OR51B5: variants seen among roughly 807,000 people sequenced by gnomAD.
OR51B5 encodes olfactory receptor family 51 subfamily B member 5.
For missense variants in OR51B5, 456 were observed against 374.6 expected, an observed-to-expected ratio of 1.22 and a Z score of -1.79; for synonymous variants, 186 against 144.8, an observed-to-expected ratio of 1.28 and a Z score of -2.04.
intron 1 of OR51B5, among the ~76,000 whole-genome samples, chr11:5,384,635 C>G (rs1351018027): frequency 6.6e-6 from 1 of 152,184 alleles, no homozygotes; most frequent in African/African-American, 2.4e-5. Flanking sequence ...CTCTTTCCTG[C>G]CGAGCCATCT....
chr11:5,356,013 C>A (rs1242251520), intron 1 of OR51B5, among the ~76,000 whole-genome samples: 1 of 129,644 alleles, frequency 7.7e-6, no homozygotes, highest in Non-Finnish European at 1.8e-5. Flanking sequence ...TAGATAAAAC[C>A]ACAAAGATGG....
chr11:5,497,597 A>G (rs555285792), intron 1 of OR51B5, among the ~76,000 whole-genome samples: 1 of 152,300 alleles, frequency 6.6e-6, no homozygotes, highest in Non-Finnish European at 1.5e-5. Flanking sequence ...TAAAAATAAA[A>G]AACAAGTTGA....
At chr11:5,472,620 G>A (rs1386685641) in intron 1 of OR51B5, among the ~76,000 whole-genome samples, 1 of 152,222 alleles carries the variant, frequency 6.6e-6, no homozygotes, top group South Asian at 2.1e-4. Flanking sequence ...ACTCCTCTGT[G>A]CTCTGCCATT....
At chr11:5,402,821 T>C (rs1469215557) in intron 1 of OR51B5, 3 of 471,680 alleles carry the variant, frequency 6.4e-6, no homozygotes, top group East Asian at 6.9e-5. Flanking sequence ...CCGAGGTTCG[T>C]GTCTCTGCAT....
At chr11:5,370,955 C>T (rs1171211943) in intron 1 of OR51B5, among the ~76,000 whole-genome samples, 2 of 152,116 alleles carry the variant, frequency 1.3e-5, no homozygotes, top group Non-Finnish European at 2.9e-5. Context: ...GTTCAATGAG[C>T]AGACAGAAGG....
At chr11:5,487,155 G>A (rs1467217150) in intron 1 of OR51B5, among the ~76,000 whole-genome samples, 2 of 152,150 alleles carry the variant, frequency 1.3e-5, no homozygotes, top group African/African-American at 4.8e-5. Context: ...AATGCCTCGT[G>A]ATCTAAATTA....
downstream of OR51B5, among the ~76,000 whole-genome samples, chr11:5,342,317 C>A (rs74489455): frequency 6.7e-3 from 1,026 of 152,118 alleles, 7 homozygotes; most frequent in African/African-American, 0.024. Flanking sequence ...ATAGACATAC[C>A]AATAGATGCC....
chr11:5,374,602 G>A (rs1158993797), intron 1 of OR51B5, among the ~76,000 whole-genome samples: 1 of 152,140 alleles, frequency 6.6e-6, no homozygotes, highest in Non-Finnish European at 1.5e-5. Context: ...TTAGATGAAT[G>A]TATAACTAGA....
chr11:5,418,268 G>C (rs576889916), intron 1 of OR51B5, among the ~76,000 whole-genome samples: 1 of 152,016 alleles, frequency 6.6e-6, no homozygotes, highest in Non-Finnish European at 1.5e-5. Context: ...GGTGCGGGGA[G>C]GGGGTAGGGA....
chr11:5,374,229 A>G (rs1006360595), intron 1 of OR51B5, among the ~76,000 whole-genome samples: 4 of 152,166 alleles, frequency 2.6e-5, no homozygotes, highest in Non-Finnish European at 5.9e-5. Flanking sequence ...CAGGGTCTGG[A>G]GTGGACCTCT....
rs377444814 is a variant in OR51B5 at position 5,351,897 on chromosome 11, T to C, written n.85-4987A>G. 8.1e-6 allele frequency: 13 copies of C among 1,613,112 alleles called. No homozygotes were observed. The African/African-American group carries it at 1.3e-4, about 17-fold the overall frequency. On this transcript the variant is annotated intron_variant and non_coding_transcript_variant, in intron 1 of 4. Transcript: ENST00000415970. ...TTACCATCCGCAGCCCCTTAAGATA[T>C]ACCTCTATCCTGACCAACACCCAGG...
intron 1 of OR51B5, chr11:5,391,691 C>G (rs1389452248): frequency 2.0e-5 from 3 of 152,196 alleles, no homozygotes; most frequent in African/African-American, 4.8e-5. Flanking sequence ...TTCTACTTTA[C>G]TCAGGCCCTC....
intron 1 of OR51B5, among the ~76,000 whole-genome samples, chr11:5,419,719 C>T (rs1453265723): frequency 2.0e-5 from 3 of 152,062 alleles, no homozygotes; most frequent in Non-Finnish European, 4.4e-5. Context: ...ACTTCAAATA[C>T]TTTTCCTGTC....
chr11:5,359,978 T>C (rs1211103701), intron 1 of OR51B5, among the ~76,000 whole-genome samples: 7 of 152,222 alleles, frequency 4.6e-5, no homozygotes, highest in Non-Finnish European at 1.0e-4. Flanking sequence ...TCTTACACCT[T>C]ATACAAAAAT....
At chr11:5,367,852 AT>A (rs913832507) in intron 1 of OR51B5, among the ~76,000 whole-genome samples, 4 of 151,838 alleles carry the variant, frequency 2.6e-5, no homozygotes, top group South Asian at 2.1e-4. Flanking sequence ...TCAAAAATGT[AT>A]TTTTTTTCAC....
intron 1 of OR51B5, among the ~76,000 whole-genome samples, chr11:5,452,681 A>G (rs981503196): frequency 1.3e-5 from 2 of 152,118 alleles, no homozygotes; most frequent in Non-Finnish European, 2.9e-5. Flanking sequence ...AGGTACATTA[A>G]TGTGTCCTTG....
intron 1 of OR51B5, chr11:5,392,620 A>T (rs1400707100): frequency 1.3e-5 from 2 of 152,244 alleles, no homozygotes; most frequent in African/African-American, 4.8e-5. Context: ...TAGAGTTAAC[A>T]ATCAATATCT....
chr11:5,391,237 T>A (rs988371726), intron 1 of OR51B5: 1 of 152,232 alleles, frequency 6.6e-6, no homozygotes, highest in Non-Finnish European at 1.5e-5. Context: ...CTAAATGCAA[T>A]CCTTGCAGGG....
chr11:5,461,075 G>A (rs1379862092), intron 1 of OR51B5, among the ~76,000 whole-genome samples: 4 of 152,320 alleles, frequency 2.6e-5, no homozygotes, highest in African/African-American at 7.2e-5. Context: ...ATGGGGGCAC[G>A]TGTGTGCTGG....
Sources: allele counts gnomAD v4.1 joint callset (sites outside exome capture counted in the v4.1 genomes callset), GRCh38; gene constraint gnomAD v4.1.1; transcripts MANE v1.5; gene names NCBI Gene and HGNC (gene_info 2026-07-23, HGNC 2026-07-21).